Variants in MYO18B observed in about 807,000 individuals in gnomAD.
MYO18B encodes the protein unconventional myosin-XVIIIb.
A neutral mutation model predicts 273.0 loss-of-function variants in MYO18B; 204 were observed. That is an observed-to-expected ratio of 0.75 (90% confidence interval 0.67 to 0.84). The LOEUF is 0.84. MYO18B is among the 40% of genes least tolerant of loss of function. MYO18B has a pLI of 0.00. For synonymous variants in MYO18B, 1,330 were observed against 1,305.7 expected (o/e 1.02, Z -0.40); for missense variants, 3,212 against 3,287.6 (o/e 0.98, Z 0.56).
chr22:25,890,124 C>T (rs2091616678), intron 25 of MYO18B, among the ~76,000 whole-genome samples: 1 of 152,192 alleles, frequency 6.6e-6, no homozygotes, highest in South Asian at 2.1e-4. Flanking sequence ...TCTGTCCAGC[C>T]ATATTTTATA....
intron 33 of MYO18B, among the ~76,000 whole-genome samples, chr22:25,920,011 T>C (rs2146436131): frequency 6.6e-6 from 1 of 152,282 alleles, no homozygotes; most frequent in South Asian, 2.1e-4. Flanking sequence ...AAACTCAGGT[T>C]CAGAGATGTG....
At chr22:25,844,764 C>T (rs1021222402) in intron 18 of MYO18B, among the ~76,000 whole-genome samples, 16 of 152,296 alleles carry the variant, frequency 1.1e-4, no homozygotes, top group African/African-American at 1.9e-4. Flanking sequence ...GAGTGGGGCT[C>T]GTGAACATCC....
chr22:25,964,114 T>A (rs2092950269), intron 39 of MYO18B: 1 of 152,256 alleles, frequency 6.6e-6, no homozygotes, highest in African/African-American at 2.4e-5. Context: ...GGTCCTCCTC[T>A]ATCAGAGACA....
chr22:25,876,206 A>T lies in MYO18B; in HGVS notation c.4098A>T (p.Ala1366=), dbSNP rs768746672. The T allele has an allele frequency of 9.6e-5, 155 of 1,612,594 alleles. 1 individual carries two copies. Among genetic ancestry groups the T allele is most frequent in the Middle Eastern group, 4.9e-4 (3 of 6,076 alleles). The change falls in exon 24 of 44, where the codon GCA becomes GCT. Residue 1366 remains alanine (A), a synonymous_variant. Coordinates refer to ENST00000335473, the MANE Select transcript of MYO18B (RefSeq NM_032608.7). The stretch of plus-strand genomic sequence containing the variant: ...CCCTGCAGATTCGCCGACTGGCTGC[A>T]CAGTGCATCCAGAAGAATGTGGCTG... ...FKKLKIRRLA[A]QCIQKNVAVF...
chr22:25,860,987 C>T (rs1479052328), intron 21 of MYO18B, among the ~76,000 whole-genome samples: 2 of 151,882 alleles, frequency 1.3e-5, no homozygotes, highest in Non-Finnish European at 2.9e-5. Flanking sequence ...TTCCTGGGCT[C>T]AAGCGATCCT....
intron 12 of MYO18B, among the ~76,000 whole-genome samples, chr22:25,804,555 CCTT>C (rs2088377050): frequency 6.6e-6 from 1 of 152,160 alleles, no homozygotes; most frequent in African/African-American, 2.4e-5. Context: ...GGACCAGGAC[CCTT>C]CTTAGTTACA....
Position 25,812,979 on chromosome 22 carries a change from C to T in MYO18B, c.2522-10526C>T, listed in dbSNP as rs185138673. ...CTCCTTTCTCCTCTTTCTCTTCCTT[C>T]TCTCCTTTCCTCCCACCTCTCTTCA... On this transcript the variant is annotated intron_variant, in intron 12 of 43. Coordinates refer to ENST00000335473, the MANE Select transcript of MYO18B (RefSeq NM_032608.7). Among the ~76,000 whole-genome samples the T allele has an allele frequency of 6.9e-3, 1,056 of 152,088 alleles. 15 individuals are homozygous for T. The highest frequency in any genetic ancestry group is 0.013 in the Admixed American group (206 of 15,280).
At chr22:25,834,240 G>A (rs929998665) in intron 16 of MYO18B, among the ~76,000 whole-genome samples, 12 of 151,486 alleles carry the variant, frequency 7.9e-5, no homozygotes, top group African/African-American at 2.2e-4. Context: ...TCTGCCTCCC[G>A]GATTCAAGCG....
At chr22:26,002,184 G>A (rs1934022433) in intron 40 of MYO18B, among the ~76,000 whole-genome samples, 1 of 152,152 alleles carries the variant, frequency 6.6e-6, no homozygotes, top group South Asian at 2.1e-4. Context: ...GCCTTTTCAT[G>A]CCATGTTGTC....
In MYO18B at chr22:25,908,434, T is replaced by C; in HGVS notation, c.5259+2T>C. 1 of 1,577,840 alleles carries C rather than the reference T, an allele frequency of 6.3e-7. No individual in the cohort carries two copies. Among genetic ancestry groups the C allele is most frequent in the East Asian group, 2.3e-5 (1 of 42,948 alleles). On this transcript the variant is annotated splice_donor_variant, in intron 32 of 43. Coordinates refer to ENST00000335473, the MANE Select transcript of MYO18B (RefSeq NM_032608.7). LOFTEE classifies it high-confidence loss of function. ...GTCCGTCAGTCCTGCCAGAAGCGGG[T>C]ACGTGAGCAGTGAACACAGCTGTGC...
intron 12 of MYO18B, among the ~76,000 whole-genome samples, chr22:25,817,320 CTTTTCTTTTCT>C (rs1349394723): frequency 2.0e-5 from 3 of 150,160 alleles, no homozygotes; most frequent in Non-Finnish European, 1.5e-5. Context: ...TTCCCTCCTT[CTTTTCTTTTCT>C]TTTTCTTTTC....
rs2086634184 is a variant in MYO18B at position 25,769,435 on chromosome 22, G to A, written c.1512+7G>A. 2.6e-6 allele frequency: 4 copies of A among 1,514,410 alleles called. No individual in the cohort carries two copies. The highest frequency in any genetic ancestry group is 2.4e-5 in the East Asian group (1 of 40,968). The allele number at this position is 1,514,410 out of a possible 1,614,324, so 93.8% of individuals were successfully genotyped here. On this transcript the variant is annotated splice_region_variant and intron_variant, in intron 4 of 43. Transcript: ENST00000335473. ...GAGCAGAGACTCAGACCAGGTGAGG[G>A]GGCTGCGGCCCTGGGAGCGGGAAGC...
chr22:26,007,687 T>C (rs755561955), intron 42 of MYO18B, among the ~76,000 whole-genome samples: 94 of 152,328 alleles, frequency 6.2e-4, no homozygotes, highest in South Asian at 1.5e-3. Flanking sequence ...ACCGGGATTA[T>C]CCAGCCCAAC....
intron 12 of MYO18B, among the ~76,000 whole-genome samples, chr22:25,820,833 C>T (rs547547797): frequency 1.5e-4 from 23 of 152,282 alleles, no homozygotes; most frequent in African/African-American, 5.3e-4. Context: ...CCACTTACCT[C>T]CCCACAAACC....
At chr22:25,752,816 C>T (rs1368137401) in intron 1 of MYO18B, among the ~76,000 whole-genome samples, 3 of 152,204 alleles carry the variant, frequency 2.0e-5, no homozygotes, top group African/African-American at 7.2e-5. Flanking sequence ...CCTCTGCTTG[C>T]CGGGAGGTGT....
chr22:25,787,248 A>G (rs572443926), intron 11 of MYO18B, among the ~76,000 whole-genome samples: 2 of 145,478 alleles, frequency 1.4e-5, no homozygotes, highest in African/African-American at 2.6e-5. Flanking sequence ...AAAAATTGCT[A>G]AGCCTGTGTG....
intron 24 of MYO18B, among the ~76,000 whole-genome samples, chr22:25,877,536 C>T (rs2091233332): frequency 6.6e-6 from 1 of 152,066 alleles, no homozygotes; most frequent in Non-Finnish European, 1.5e-5. Context: ...GGTGCTATCT[C>T]GGCTCACTGC....
chr22:26,024,022 T>C (rs1936050939), intron 42 of MYO18B, among the ~76,000 whole-genome samples: 1 of 152,136 alleles, frequency 6.6e-6, no homozygotes, highest in Non-Finnish European at 1.5e-5. Context: ...CGTGTGGCTT[T>C]TGTTTTAGCA....
At chr22:25,789,649 A>T (rs576393297) in intron 11 of MYO18B, among the ~76,000 whole-genome samples, 11 of 140,756 alleles carry the variant, frequency 7.8e-5, no homozygotes, top group African/African-American at 2.8e-4. Context: ...AAAAAAAATA[A>T]CGAAATTACT....
Sources: gnomAD v4.1 joint callset for allele counts (sites outside exome capture counted in the v4.1 genomes callset) on GRCh38, gnomAD v4.1.1 for gene constraint, MANE v1.5 for transcripts, NCBI Gene and HGNC (gene_info 2026-07-23, HGNC 2026-07-21) for gene names.